The following CDH23 variants were observed in gnomAD, a reference collection of about 807,000 sequenced individuals.
CDH23 encodes the protein cadherin-23.
A neutral mutation model predicts 317.1 loss-of-function variants in CDH23; 189 were observed. The ratio of observed to expected loss-of-function variants is 0.60; its 90% CI spans 0.53 to 0.67. The LOEUF is 0.67. Among genes scored for constraint, CDH23 ranks in the 30% least tolerant of loss-of-function variants. CDH23 has a pLI of 0.00. For missense variants in CDH23, 4,401 were observed against 4,592.4 expected (o/e 0.96, Z 1.20); for synonymous variants, 1,839 against 1,876.8 (o/e 0.98, Z 0.52).
rs542798557 is a variant in CDH23, at chr10:71,577,937, C to T, written c.777C>T (p.Thr259=). The T allele has an allele frequency of 5.6e-6, 9 of 1,604,518 alleles. No homozygotes were observed. The South Asian group carries it at 5.6e-5, about 10-fold the overall frequency. ...SPPGTTVRII[T]AIDQDKGRPR... ...AGGGCACGACGGTGCGCATCATCAC[C>T]GCCATAGACCAGGATAAAGGACGTC... Residue 259 remains threonine (T), a synonymous_variant, in exon 9 of 70, where the codon ACC becomes ACT. Coordinates refer to ENST00000224721, the MANE Select transcript of CDH23 (RefSeq NM_022124.6).
intron 32 of CDH23, among the ~76,000 whole-genome samples, chr10:71,733,050 G>A (rs753547189): frequency 1.3e-5 from 2 of 151,320 alleles, no homozygotes; most frequent in Non-Finnish European, 2.9e-5. Flanking sequence ...CCTCTAGGTT[G>A]TTTGACCCAT....
intron 9 of CDH23, among the ~76,000 whole-genome samples, chr10:71,600,413 G>A (rs1431066454): frequency 6.6e-6 from 1 of 151,936 alleles, no homozygotes; most frequent in Non-Finnish European, 1.5e-5. Flanking sequence ...CAATTTCCTT[G>A]TGCTGGCAAA....
At chr10:71,660,795 T>G (rs1863615596) in intron 14 of CDH23, among the ~76,000 whole-genome samples, 2 of 152,208 alleles carry the variant, frequency 1.3e-5, no homozygotes, top group Admixed American at 1.3e-4. Context: ...ATTTCCTCTT[T>G]TGGAAGTGTG....
intron 38 of CDH23, among the ~76,000 whole-genome samples, chr10:71,774,916 G>A (rs1840782622): frequency 6.6e-6 from 1 of 152,152 alleles, no homozygotes; most frequent in Non-Finnish European, 1.5e-5. Context: ...GGGCTCTCTG[G>A]AGGCCCTTAG....
chr10:71,532,711 G>GTTTTTTTTTTTTTTTGTTTTTTTTTT (rs1302196155), intron 6 of CDH23, among the ~76,000 whole-genome samples: 1 of 128,100 alleles, frequency 7.8e-6, no homozygotes, highest in Non-Finnish European at 1.8e-5. Context: ...TTTTGTTTTT[G>GTTTTTTTTTTTTTTTGTTTTTTTTTT]TTTTTTTTTT....
intron 41 of CDH23, among the ~76,000 whole-genome samples, chr10:71,782,998 T>C (rs1840996955): frequency 6.6e-6 from 1 of 152,114 alleles, no homozygotes; most frequent in South Asian, 2.1e-4. Flanking sequence ...GAGAAAACTG[T>C]GGGGGCGCCT....
chr10:71,752,937 C>A (rs1840042270), intron 38 of CDH23: 1 of 1,609,066 alleles, frequency 6.2e-7, no homozygotes, highest in Non-Finnish European at 8.5e-7. Flanking sequence ...GATAGCCGGC[C>A]CAGGAAGTTT....
chr10:71,777,691 C>T lies in CDH23; in HGVS notation c.4857C>T (p.His1619=), dbSNP rs369817589. 82 of 1,611,472 alleles carry T rather than the reference C, an allele frequency of 5.1e-5. No individual in the cohort carries two copies. Among genetic ancestry groups the T allele is most frequent in the South Asian group, 2.8e-4 (25 of 90,478 alleles). Residue 1619 remains histidine, a synonymous_variant, in exon 39 of 70, where the codon CAC becomes CAT. Transcript: ENST00000224721. ...EGTPTLSATT[H]VYVTIVDEND... ...ACTCTTTTCCACAGGCCACCACGCA[C>T]GTGTACGTGACCATTGTGGATGAGA...
At chr10:71,452,677 A>G (rs1850507049) in intron 3 of CDH23, among the ~76,000 whole-genome samples, 1 of 152,122 alleles carries the variant, frequency 6.6e-6, no homozygotes, top group African/African-American at 2.4e-5. Context: ...GGAACTCCCC[A>G]TTGGTCTATT....
At position 71,559,388 on chromosome 10, in the gene CDH23, T is replaced by A. The variant is rs543853217; in HGVS notation, c.430-7354T>A. On this transcript the variant is annotated intron_variant, in intron 6 of 69. Coordinates refer to ENST00000224721, the MANE Select transcript of CDH23 (RefSeq NM_022124.6). ...TGATTCTTTTAAAACATTTATTGAA[T>A]GCCTTCTATGCACAAGTGACAGTGC... Among the ~76,000 whole-genome samples, 34 of 152,354 alleles carry A rather than the reference T, an allele frequency of 2.2e-4. 1 individual carries two copies. In the South Asian group the frequency reaches 6.6e-3, roughly 30 times the overall value.
chr10:71,810,103 G>A (rs372748974), intron 61 of CDH23, 27 bp downstream of exon 61: 2 of 1,607,052 alleles, frequency 1.2e-6, no homozygotes, highest in African/African-American at 1.3e-5. Context: ...CCCGGGGCCG[G>A]GGCAGTGGAG....
In CDH23 at chr10:71,779,170, G is replaced by A. The variant is rs558996702; in HGVS notation, c.5188-97G>A. 15 of 1,177,908 alleles carry A rather than the reference G, an allele frequency of 1.3e-5. No individual in the cohort carries two copies. In the South Asian group the frequency reaches 1.8e-4, roughly 14 times the overall value. The allele number at this position is 1,177,908 out of a possible 1,614,324, so 73.0% of individuals were successfully genotyped here. ...TATGATTCCTGCATGGGCCTCATGAGGCAGAATTATCAGGTCCATTTCACA... is the reference window on the plus strand; with the variant it reads ...TATGATTCCTGCATGGGCCTCATGAAGCAGAATTATCAGGTCCATTTCACA... On this transcript the variant is annotated intron_variant, in intron 40 of 69. Transcript: ENST00000224721.
intron 19 of CDH23, among the ~76,000 whole-genome samples, chr10:71,690,052 C>T (rs137871494): frequency 1.3e-5 from 2 of 152,136 alleles, no homozygotes; most frequent in Non-Finnish European, 2.9e-5. Context: ...TTCCCCTGAA[C>T]GAGATAAAAC....
At chr10:71,592,866 G>T (rs1388441973) in intron 9 of CDH23, among the ~76,000 whole-genome samples, 8 of 152,188 alleles carry the variant, frequency 5.3e-5, no homozygotes, top group African/African-American at 1.9e-4. Flanking sequence ...GGGCCATGAT[G>T]TCTACACTGC....
rs111033493 is a variant in CDH23, at chr10:71,793,417, G to C, written c.6489G>C (p.Leu2163=). 4.5e-5 allele frequency: 73 copies of C among 1,613,994 alleles called. 1 individual carries two copies. In the African/African-American group the frequency reaches 8.8e-4, roughly 19 times the overall value. Residue 2163 remains leucine, a synonymous_variant, in exon 48 of 70, where the codon CTG becomes CTC. Coordinates refer to ENST00000224721, the MANE Select transcript of CDH23 (RefSeq NM_022124.6). ...CGGGCACAGCCATTGTCACCATTCT[G>C]ATCGATGACATCAATGACTCCCGCC... ...PLSGTAIVTI[L]IDDINDSRPE...
At chr10:71,486,654 A>G (rs1286624393) in intron 3 of CDH23, among the ~76,000 whole-genome samples, 1 of 152,214 alleles carries the variant, frequency 6.6e-6, no homozygotes, top group Non-Finnish European at 1.5e-5. Flanking sequence ...GGCTCAGGCC[A>G]TAGCCACAGT....
Position 71,751,126 on chromosome 10 carries a change from T to C in CDH23, c.4845+9205T>C. On this transcript the variant is annotated intron_variant, in intron 38 of 69. Transcript: ENST00000224721. This position sits in a 1 kb window ranked among gnomAD's most constrained non-coding sequence, Gnocchi z 4.9. ...GGGCTGGGCTTCTGGGATGTCACAG[T>C]ATCTGAGCCCAGAGCAGGAGGGAGG... is the stretch of plus-strand genomic sequence containing the variant. 1.1e-5 allele frequency: 12 copies of C among 1,129,840 alleles called. No individual in the cohort carries two copies. The highest frequency in any genetic ancestry group is 1.5e-5 in the Non-Finnish European group (12 of 799,040). 70.0% of individuals were successfully genotyped at this position (1,129,840 alleles called of 1,614,324 possible).
chr10:71,744,334 A>G (rs910758860), intron 38 of CDH23, among the ~76,000 whole-genome samples: 2 of 152,076 alleles, frequency 1.3e-5, no homozygotes, highest in Non-Finnish European at 2.9e-5. Context: ...AGGGTCTCTC[A>G]GGGAGACCAT....
chr10:71,593,759 C>T (rs1859657141), intron 9 of CDH23, among the ~76,000 whole-genome samples: 2 of 152,312 alleles, frequency 1.3e-5, no homozygotes, highest in South Asian at 2.1e-4. Flanking sequence ...CTTCACACCC[C>T]ACATTGACAC....
Sources: allele counts gnomAD v4.1 joint callset (sites outside exome capture counted in the v4.1 genomes callset), GRCh38; gene constraint gnomAD v4.1.1; non-coding constraint Gnocchi (gnomAD v3.1); transcripts MANE v1.5; gene names NCBI Gene and HGNC (gene_info 2026-07-23, HGNC 2026-07-21).